ANKLE2: variants seen among roughly 807,000 people sequenced by gnomAD.
ANKLE2 encodes ankyrin repeat and LEM domain-containing protein 2.
ANKLE2 carries 55 observed loss-of-function variants against 84.2 expected under a neutral mutation model. The observed-to-expected ratio is 0.65, with a 90% confidence interval of 0.53 to 0.82. The LOEUF (loss-of-function observed/expected upper bound fraction) is 0.82. Among genes scored for constraint, ANKLE2 ranks in the 40% least tolerant of loss-of-function variants. ANKLE2 has a pLI of 0.00. For synonymous variants in ANKLE2, 551 were observed against 486.1 expected (o/e 1.13, Z -1.76); for missense variants, 1,238 against 1,201.9 (o/e 1.03, Z -0.44).
chr12:132,741,322 G>C, intron 7 of ANKLE2, 97 bp downstream of exon 7: 1 of 1,235,746 alleles, frequency 8.1e-7, no homozygotes, highest in Non-Finnish European at 1.2e-6. Flanking sequence ...CACACGCCCG[G>C]GGAGCTCAGG....
chr12:132,738,818 C>G (rs1593154645), intron 7 of ANKLE2: 1 of 152,318 alleles, frequency 6.6e-6, no homozygotes, highest in East Asian at 1.9e-4. Context: ...GCCACCGCAC[C>G]CGGCTGCTTA....
chr12:132,740,909 C>A (rs1389759962), intron 7 of ANKLE2, among the ~76,000 whole-genome samples: 3 of 119,168 alleles, frequency 2.5e-5, no homozygotes, highest in South Asian at 2.9e-4. Flanking sequence ...TGGGCGTGCA[C>A]CAGGAGTACA....
intron 3 of ANKLE2, among the ~76,000 whole-genome samples, chr12:132,750,439 G>T (rs987313983): frequency 1.3e-5 from 2 of 152,032 alleles, no homozygotes; most frequent in African/African-American, 4.8e-5. Context: ...GATGGAAGCG[G>T]CCACAGCGTT....
Position 132,730,036 on chromosome 12 carries a change from C to T in ANKLE2, c.2126G>A (p.Arg709Lys), listed in dbSNP as rs756910711. The change falls in exon 11 of 13, where the codon AGG (arginine) becomes AAG (lysine). Residue 709 changes from arginine (R) to lysine (K), a missense_variant. Coordinates refer to ENST00000357997, the MANE Select transcript of ANKLE2 (RefSeq NM_015114.3). ...NGLCHPLNHS[R>K]TLAGKRPKAP... ...CTTTGGTCTCTTGCCCGCCAGGGTC[C>T]TGCTGTGATTCAGAGGATGGCAGAG... The T allele has an allele frequency of 6.2e-7, 1 of 1,612,936 alleles. No individual in the cohort carries two copies. Among genetic ancestry groups the T allele is most frequent in the Non-Finnish European group, 8.5e-7 (1 of 1,179,730 alleles).
At chr12:132,752,711 T>C (rs2044382761) in intron 2 of ANKLE2, among the ~76,000 whole-genome samples, 1 of 152,154 alleles carries the variant, frequency 6.6e-6, no homozygotes, top group African/African-American at 2.4e-5. Context: ...AATATTCCAT[T>C]CTATTCATAG....
At chr12:132,753,538 G>A (rs1016315300) in intron 2 of ANKLE2, among the ~76,000 whole-genome samples, 1 of 152,084 alleles carries the variant, frequency 6.6e-6, no homozygotes, top group Non-Finnish European at 1.5e-5. Context: ...GGCCGAGGTG[G>A]GCAGATCACG....
rs2043714662 is a variant in ANKLE2, at chr12:132,727,151, C to T, written c.*91G>A. 3.1e-6 allele frequency: 4 copies of T among 1,295,232 alleles called. No individual in the cohort carries two copies. Among genetic ancestry groups the T allele is most frequent in the African/African-American group, 3.0e-5 (2 of 67,078 alleles). 80.2% of individuals were successfully genotyped at this position (1,295,232 alleles called of 1,614,324 possible). On this transcript the variant is annotated 3_prime_UTR_variant, in exon 13 of 13. Transcript: ENST00000357997. ...TCAAAGTGAGGAGTAATAATTTAAT[C>T]AGAATATATTCCTTTTTGACAGTTT...
chr12:132,731,712 G>A (rs1197873947), intron 10 of ANKLE2: 2 of 152,192 alleles, frequency 1.3e-5, no homozygotes, highest in Non-Finnish European at 2.9e-5. Flanking sequence ...GCCTCCCTAA[G>A]TGCTGGGATT....
At chr12:132,754,649 G>A (rs1213872892) in intron 2 of ANKLE2, 26 bp downstream of exon 2, 4 of 1,566,788 alleles carry the variant, frequency 2.6e-6, no homozygotes, top group East Asian at 2.3e-5. Context: ...ATCTGTGTGA[G>A]GAAATCCTAC....
rs1244209929 is a variant in ANKLE2 at position 132,737,056 on chromosome 12, T to C, written c.1430A>G (p.Tyr477Cys). ...RIREYLKGHYYVPLLRAEETS... is the reference protein window; with the variant it reads ...RIREYLKGHYCVPLLRAEETS... The stretch of plus-strand genomic sequence containing the variant: ...CTCTTCCGCTCTCAGGAGGGGCACG[T>C]AGTAGTGGCCTGAGGGAGGAGACAG... The change falls in exon 8 of 13, where the codon TAC becomes TGC. Residue 477 changes from tyrosine to cysteine, a missense_variant. Around this residue, in one of 3 missense-constraint regions of ANKLE2, gnomAD observed 802 missense variants for 774.5 expected, o/e 1.04. Coordinates refer to ENST00000357997, the MANE Select transcript of ANKLE2 (RefSeq NM_015114.3). 1 of 1,599,810 alleles carries C rather than the reference T, an allele frequency of 6.3e-7. No individual in the cohort carries two copies. Among genetic ancestry groups the C allele is most frequent in the African/African-American group, 1.3e-5 (1 of 74,784 alleles).
At chr12:132,759,552 A>G (rs1228810228) in intron 1 of ANKLE2, 1 of 152,202 alleles carries the variant, frequency 6.6e-6, no homozygotes, top group East Asian at 1.9e-4. Flanking sequence ...ATATACACGT[A>G]TCATATGCCA....
chr12:132,740,443 G>A (rs1325644240), intron 7 of ANKLE2, among the ~76,000 whole-genome samples: 1 of 152,170 alleles, frequency 6.6e-6, no homozygotes, highest in Admixed American at 6.5e-5. Flanking sequence ...GTGTGCAAAT[G>A]GTGGTGACAG....
intron 3 of ANKLE2, 38 bp from the exon 4 acceptor site, chr12:132,748,369 C>A: frequency 1.2e-6 from 2 of 1,609,964 alleles, no homozygotes; most frequent in Non-Finnish European, 1.7e-6. Context: ...CAATCAGTTT[C>A]ACCAAAAGTC....
intron 10 of ANKLE2, among the ~76,000 whole-genome samples, chr12:132,733,030 G>A (rs12296704): frequency 0.11 from 14,368 of 134,730 alleles, 1,132 homozygotes; most frequent in East Asian, 0.42. Context: ...AGCGCTCTGC[G>A]TCCTGGTGTC....
At chr12:132,755,666 T>A (rs1481793553) in intron 1 of ANKLE2, 2 of 151,212 alleles carry the variant, frequency 1.3e-5, no homozygotes, top group Non-Finnish European at 3.0e-5. Flanking sequence ...GTTCAAGTGA[T>A]TCTCCAGCCT....
In ANKLE2 at chr12:132,736,960, T is replaced by C. The variant is rs932434284; in HGVS notation, c.1526A>G (p.Tyr509Cys). The C allele has an allele frequency of 2.5e-6, 4 of 1,613,760 alleles. No individual in the cohort carries two copies. Among genetic ancestry groups the C allele is most frequent in the Non-Finnish European group, 3.4e-6 (4 of 1,179,884 alleles). ...QTAEASHVSRYGGSPRDPVLT... is the reference protein window; with the variant it reads ...QTAEASHVSRCGGSPRDPVLT... ...TACCGGGTCTCTGGGGCTGCCTCCA[T>C]AGCGGCTGACGTGAGAGGCCTCAGC... is the stretch of plus-strand genomic sequence containing the variant. The change falls in exon 8 of 13, where the codon TAT (tyrosine) becomes TGT (cysteine). Residue 509 changes from tyrosine (Y) to cysteine (C), a missense_variant. By Grantham distance (194) the Tyr-to-Cys change is radical. Around this residue, in one of 3 missense-constraint regions of ANKLE2, gnomAD observed 802 missense variants for 774.5 expected, o/e 1.04. Coordinates refer to ENST00000357997, the MANE Select transcript of ANKLE2 (RefSeq NM_015114.3).
At chr12:132,746,241 C>T (rs1323285997) in intron 5 of ANKLE2, among the ~76,000 whole-genome samples, 1 of 150,520 alleles carries the variant, frequency 6.6e-6, no homozygotes, top group Non-Finnish European at 1.5e-5. Context: ...CCCAGCTACT[C>T]GGGAGGCTGA....
rs1263203527 is a variant in ANKLE2 at position 132,726,227 on chromosome 12, C to T, written c.*1015G>A. ...TCCAGGCAGCACCTCCTGAACACCTCAGCGGCTCCTCACACATTCCAACCA... is the reference window on the plus strand; with the variant it reads ...TCCAGGCAGCACCTCCTGAACACCTTAGCGGCTCCTCACACATTCCAACCA... On this transcript the variant is annotated 3_prime_UTR_variant, in exon 13 of 13. Transcript: ENST00000357997. 12 of 153,872 alleles carry T rather than the reference C, an allele frequency of 7.8e-5. No homozygotes were observed. The allele number at this position is 153,872 out of a possible 1,614,324, so 9.5% of individuals were successfully genotyped here. A position where few individuals can be genotyped will look rare whatever the true frequency, so the allele number is the denominator to read the frequency against.
chr12:132,752,591 G>C (rs894723147), intron 2 of ANKLE2, among the ~76,000 whole-genome samples: 1 of 151,956 alleles, frequency 6.6e-6, no homozygotes. Context: ...GGATGGTCTC[G>C]ATCTCCTGAC....
Sources: gnomAD v4.1 joint callset for allele counts (sites outside exome capture counted in the v4.1 genomes callset) on GRCh38, gnomAD v4.1.1 for gene constraint, gnomAD v4.1.1 regional missense constraint, MANE v1.5 for transcripts, NCBI Gene and HGNC (gene_info 2026-07-23, HGNC 2026-07-21) for gene names.